The following IGF1R variants were observed in gnomAD, a reference collection of about 807,000 sequenced individuals.
IGF1R encodes insulin like growth factor 1 receptor.
A neutral mutation model predicts 144.6 loss-of-function variants in IGF1R; 44 were observed. The ratio of observed to expected loss-of-function variants is 0.30; its 90% CI spans 0.24 to 0.39. The LOEUF is 0.39. Among genes scored for constraint, IGF1R ranks in the 10% least tolerant of loss-of-function variants. The pLI, the probability that IGF1R is intolerant of heterozygous loss-of-function variation, is 1.00. For synonymous variants in IGF1R, 795 were observed against 722.8 expected (o/e 1.10, Z -1.60); for missense variants, 1,355 against 1,833.7 (o/e 0.74, Z 4.77).
At position 98,689,527 on chromosome 15, in the gene IGF1R, A is replaced by C. The variant is rs114190951; in HGVS notation, c.95-18035A>C. On this transcript the variant is annotated intron_variant, in intron 1 of 20. Coordinates refer to ENST00000650285, the MANE Select transcript of IGF1R (RefSeq NM_000875.5). The stretch of plus-strand genomic sequence containing the variant: ...CAGGCGTGAGTCACTGTGCTCAGCC[A>C]GTTGCACTACATTTTTTTTTTAGAT... Among the ~76,000 whole-genome samples, 138 of 141,212 alleles carry C rather than the reference A, an allele frequency of 9.8e-4. 1 individual carries two copies. The highest frequency in any genetic ancestry group is 3.9e-3 in the African/African-American group (136 of 34,708). 92.6% of individuals were successfully genotyped at this position (141,212 alleles called of 152,430 possible).
chr15:98,762,438 T>C (rs1459951473), intron 2 of IGF1R, among the ~76,000 whole-genome samples: 1 of 152,178 alleles, frequency 6.6e-6, no homozygotes, highest in African/African-American at 2.4e-5. Flanking sequence ...CAAAAATACA[T>C]ATATTCCGGC....
In IGF1R at chr15:98,649,593, C is replaced by T. The variant is rs1215869476; in HGVS notation, c.12C>T (p.Gly4=). The change falls in exon 1 of 21, where the codon GGC becomes GGT. Residue 4 remains glycine, a synonymous_variant. Coordinates refer to ENST00000650285, the MANE Select transcript of IGF1R (RefSeq NM_000875.5). MKS[G]SGGGSPTSLW... ...CCCAAATAAAAGGAATGAAGTCTGG[C>T]TCCGGAGGAGGGTCCCCGACCTCGC... 1.9e-6 allele frequency: 3 copies of T among 1,575,862 alleles called. No homozygotes were observed. Among genetic ancestry groups the T allele is most frequent in the East Asian group, 2.3e-5 (1 of 43,354 alleles).
intron 2 of IGF1R, among the ~76,000 whole-genome samples, chr15:98,776,192 A>AT (rs200990986): frequency 1.7e-3 from 248 of 147,340 alleles, no homozygotes; most frequent in African/African-American, 4.7e-3. Flanking sequence ...TTATTTTTTT[A>AT]TTTTTTTTTT....
In IGF1R at chr15:98,661,956, CTTT is replaced by C. The variant is rs869208651; in HGVS notation, c.94+12305_94+12307del. Among the ~76,000 whole-genome samples the C allele has an allele frequency of 7.3e-4, 77 of 105,706 alleles. 4 individuals are homozygous for C. The highest frequency in any genetic ancestry group is 2.1e-3 in the African/African-American group (48 of 22,338). The allele number at this position is 105,706 out of a possible 152,430, so 69.3% of individuals were successfully genotyped here. On this transcript the variant is annotated intron_variant, in intron 1 of 20. Transcript: ENST00000650285. ...GAATTGCTGCCAGTTGAATAGGGCC[CTTT>C]TTTTTTTTTTTTTTTTTTTTTTTGA...
intron 10 of IGF1R, among the ~76,000 whole-genome samples, chr15:98,920,235 A>G (rs535420880): frequency 3.9e-5 from 6 of 152,338 alleles, no homozygotes; most frequent in Admixed American, 3.9e-4. Flanking sequence ...TTACCAAAAA[A>G]AATGATGTAT....
intron 2 of IGF1R, among the ~76,000 whole-genome samples, chr15:98,835,706 GA>G (rs1024637785): frequency 2.0e-5 from 3 of 152,238 alleles, no homozygotes; most frequent in Non-Finnish European, 4.4e-5. Flanking sequence ...GGCAGCTTTA[GA>G]TGTGGTTGGG....
chr15:98,903,886 A>G (rs953578865), intron 5 of IGF1R, among the ~76,000 whole-genome samples: 2 of 152,202 alleles, frequency 1.3e-5, no homozygotes, highest in African/African-American at 4.8e-5. Flanking sequence ...AGGCAAAACT[A>G]TAGAGACAGA....
intron 3 of IGF1R, among the ~76,000 whole-genome samples, chr15:98,893,107 A>T (rs983320427): frequency 1.3e-5 from 2 of 152,222 alleles, no homozygotes; most frequent in Non-Finnish European, 2.9e-5. Flanking sequence ...GTCTGTCAAA[A>T]TCTATTCTAC....
Position 98,960,663 on chromosome 15 carries a change from GCA to G in IGF1R, c.*3224_*3225del. 4.3e-6 allele frequency: 1 copy of G among 233,366 alleles called. No homozygotes were observed. The highest frequency in any genetic ancestry group is 8.5e-6 in the Non-Finnish European group (1 of 118,118). 14.5% of individuals were successfully genotyped at this position (233,366 alleles called of 1,614,324 possible). On this transcript the variant is annotated 3_prime_UTR_variant, in exon 21 of 21. Coordinates refer to ENST00000650285, the MANE Select transcript of IGF1R (RefSeq NM_000875.5). ...CGGCCATGGCTGCTGCATTCATTGA[GCA>G]CAAAGGTGCAGCTGCAGCAGCAGCT... is the stretch of plus-strand genomic sequence containing the variant.
At chr15:98,907,430 G>T (rs2014786024) in intron 5 of IGF1R, among the ~76,000 whole-genome samples, 1 of 152,204 alleles carries the variant, frequency 6.6e-6, no homozygotes. Flanking sequence ...CTGCAGGGAG[G>T]GCTGGGGTTC....
At chr15:98,790,454 A>C (rs1654838196) in intron 2 of IGF1R, among the ~76,000 whole-genome samples, 1 of 152,166 alleles carries the variant, frequency 6.6e-6, no homozygotes, top group Non-Finnish European at 1.5e-5. Context: ...CTTATCTCAA[A>C]TGCAGTTTGC....
In IGF1R at chr15:98,934,997, A is replaced by G; in HGVS notation, c.3130A>G (p.Arg1044Gly). ...GAACGAGGCCGCAAGCATGCGTGAGAGGATTGAGTTTCTCAACGAAGCTTC... is the reference window on the plus strand; with the variant it reads ...GAACGAGGCCGCAAGCATGCGTGAGGGGATTGAGTTTCTCAACGAAGCTTC... ...TVNEAASMRERIEFLNEASVM... is the reference protein window; with the variant it reads ...TVNEAASMREGIEFLNEASVM... Residue 1044 changes from arginine (R) to glycine (G), a missense_variant, in exon 16 of 21, where the codon AGG becomes GGG. Transcript: ENST00000650285. 6.2e-7 allele frequency: 1 copy of G among 1,614,202 alleles called. No individual in the cohort carries two copies. Among genetic ancestry groups the G allele is most frequent in the Non-Finnish European group, 8.5e-7 (1 of 1,180,034 alleles).
In IGF1R at chr15:98,698,335, C is replaced by T. The variant is rs1228434277; in HGVS notation, c.95-9227C>T. Among the ~76,000 whole-genome samples the T allele has an allele frequency of 9.8e-5, 15 of 152,336 alleles. No homozygotes were observed. In the South Asian group the frequency reaches 1.2e-3, roughly 13 times the overall value. On this transcript the variant is annotated intron_variant, in intron 1 of 20. Transcript: ENST00000650285. ...CACAGGTGTGAGCCACCACGCCCACCGGCCTCCCATCTTAACATTTTAAAG... is the reference window on the plus strand; with the variant it reads ...CACAGGTGTGAGCCACCACGCCCACTGGCCTCCCATCTTAACATTTTAAAG...
chr15:98,692,853 G>C (rs2053509459), intron 1 of IGF1R, among the ~76,000 whole-genome samples: 1 of 152,168 alleles, frequency 6.6e-6, no homozygotes, highest in African/African-American at 2.4e-5. Flanking sequence ...GGAGGATATA[G>C]ACGTAGCCAC....
intron 1 of IGF1R, among the ~76,000 whole-genome samples, chr15:98,656,044 A>G (rs540989816): frequency 6.6e-6 from 1 of 152,338 alleles, no homozygotes; most frequent in South Asian, 2.1e-4. Context: ...CTGGACCACA[A>G]CAGAAAGTAG....
chr15:98,913,047 C>G lies in IGF1R; in HGVS notation c.1593C>G (p.Pro531=). 6.2e-7 allele frequency: 1 copy of G among 1,611,552 alleles called. No homozygotes were observed. The highest frequency in any genetic ancestry group is 1.1e-5 in the South Asian group (1 of 91,026). ...ISFTVYYKEA[P]FKNVTEYDGQ... ...TCTGAACTTAATTGTCTTTCAGACC[C>G]TTTAAGAATGTCACAGAGTATGATG... is the stretch of plus-strand genomic sequence containing the variant. Residue 531 remains proline (P), a synonymous_variant, in exon 8 of 21, where the codon CCC becomes CCG. Coordinates refer to ENST00000650285, the MANE Select transcript of IGF1R (RefSeq NM_000875.5).
chr15:98,684,176 A>T (rs1488592100), intron 1 of IGF1R, among the ~76,000 whole-genome samples: 2 of 152,246 alleles, frequency 1.3e-5, no homozygotes, highest in Non-Finnish European at 2.9e-5. Context: ...CTTCTGCCTA[A>T]AAAATAAAAG....
intron 2 of IGF1R, among the ~76,000 whole-genome samples, chr15:98,736,271 A>G (rs1204398024): frequency 2.0e-5 from 3 of 152,234 alleles, no homozygotes; most frequent in Non-Finnish European, 2.9e-5. Context: ...TTTTTAATGC[A>G]TCTCAGCAAG....
At chr15:98,867,421 C>CCCACCCCT (rs1156812443) in intron 2 of IGF1R, among the ~76,000 whole-genome samples, 1 of 151,966 alleles carries the variant, frequency 6.6e-6, no homozygotes, top group Non-Finnish European at 1.5e-5. Flanking sequence ...TTCGAGAAGC[C>CCCACCCCT]CCACCCCTAC....
Sources: allele counts gnomAD v4.1 joint callset (sites outside exome capture counted in the v4.1 genomes callset), GRCh38; gene constraint gnomAD v4.1.1; transcripts MANE v1.5; gene names NCBI Gene and HGNC (gene_info 2026-07-23, HGNC 2026-07-21).